The following NALF1 variants were observed in gnomAD, a reference collection of about 807,000 sequenced individuals.
The protein encoded by NALF1 is NALCN channel auxiliary factor 1.
A neutral mutation model predicts 48.4 loss-of-function variants in NALF1; 3 were observed. The ratio of observed to expected loss-of-function variants is 0.06; its 90% CI spans 0.03 to 0.16. The LOEUF is 0.16. NALF1 is among the 10% of genes least tolerant of loss of function. The pLI is 1.00. For synonymous variants in NALF1, 262 were observed against 245.7 expected, an observed-to-expected ratio of 1.07 and a Z score of -0.62; for missense variants, 526 against 571.5, an observed-to-expected ratio of 0.92 and a Z score of 0.81.
chr13:107,201,019 G>A (rs537440000), intron 2 of NALF1, among the ~76,000 whole-genome samples: 8 of 152,180 alleles, frequency 5.3e-5, no homozygotes, highest in East Asian at 1.9e-4. Flanking sequence ...TTACCACATC[G>A]GCAGACACGC....
At chr13:107,444,818 A>G (rs1884620683) in intron 1 of NALF1, among the ~76,000 whole-genome samples, 1 of 152,194 alleles carries the variant, frequency 6.6e-6, no homozygotes. Context: ...CCACATACAT[A>G]TAATAGTGTA....
At chr13:107,318,595 T>C (rs1028112285) in intron 1 of NALF1, among the ~76,000 whole-genome samples, 1 of 152,046 alleles carries the variant, frequency 6.6e-6, no homozygotes, top group Admixed American at 6.6e-5. Context: ...CTTTCACGTA[T>C]TGTGGTGGGA....
intron 1 of NALF1, among the ~76,000 whole-genome samples, chr13:107,811,997 G>A (rs1879009297): frequency 6.6e-6 from 1 of 151,920 alleles, no homozygotes; most frequent in Non-Finnish European, 1.5e-5. Context: ...TTCCTCATTT[G>A]GTATTTTCAT....
chr13:107,711,767 T>C (rs1875599828), intron 1 of NALF1, among the ~76,000 whole-genome samples: 1 of 152,222 alleles, frequency 6.6e-6, no homozygotes, highest in Non-Finnish European at 1.5e-5. Flanking sequence ...CAAACAGCAT[T>C]CTCAAGACTA....
chr13:107,489,907 C>T (rs1885388726), intron 1 of NALF1, among the ~76,000 whole-genome samples: 1 of 151,948 alleles, frequency 6.6e-6, no homozygotes, highest in Non-Finnish European at 1.5e-5. Context: ...AAAAACAACT[C>T]CATAAAAGAA....
Position 107,569,347 on chromosome 13 carries a change from T to C in NALF1, c.915+296335A>G, listed in dbSNP as rs527508318. Among the ~76,000 whole-genome samples, 236 of 152,050 alleles carry C rather than the reference T, an allele frequency of 1.6e-3. 2 individuals carry two copies. The highest frequency in any genetic ancestry group is 3.0e-3 in the Non-Finnish European group (206 of 67,954). On this transcript the variant is annotated intron_variant, in intron 1 of 2. Transcript: ENST00000375915. ...GTTAGCCAGGCGTGGTGGTGGGTGC[T>C]TGTAGTCCCAGCTACTCGGGACGCT...
At chr13:107,711,707 G>A (rs891537636) in intron 1 of NALF1, among the ~76,000 whole-genome samples, 4 of 152,106 alleles carry the variant, frequency 2.6e-5, no homozygotes, top group Non-Finnish European at 5.9e-5. Flanking sequence ...TTTTCTAAGA[G>A]GAAATATCTT....
chr13:107,524,143 C>G (rs565252822), intron 1 of NALF1, among the ~76,000 whole-genome samples: 1 of 152,222 alleles, frequency 6.6e-6, no homozygotes, highest in Non-Finnish European at 1.5e-5. Context: ...ACTTTGGGTA[C>G]TTCTTAACAA....
At chr13:107,815,979 T>C (rs1566493133) in intron 1 of NALF1, among the ~76,000 whole-genome samples, 1 of 152,122 alleles carries the variant, frequency 6.6e-6, no homozygotes, top group Non-Finnish European at 1.5e-5. Context: ...ATTGGGGGTA[T>C]TAAAAGGAAA....
rs1268086912 is a variant in NALF1, at chr13:107,224,417, GTATATAATATAAATATAATACAAATTA to G, written c.916-13689_916-13663del. Among the ~76,000 whole-genome samples, 7 of 148,718 alleles carry G rather than the reference GTATATAATATAAATATAATACAAATTA, an allele frequency of 4.7e-5. No individual in the cohort carries two copies. The South Asian group carries it at 6.3e-4, about 13-fold the overall frequency. On this transcript the variant is annotated intron_variant, in intron 1 of 2. Transcript: ENST00000375915. ...AATGATACCTCCATTTTTGAATTATGTATATAATATAAATATAATACAAATTATATATAATATAAATATAATACAAAT... is the reference window on the plus strand; with the variant it reads ...AATGATACCTCCATTTTTGAATTATGTATATAATATAAATATAATACAAAT...
chr13:107,469,166 T>C (rs928381725), intron 1 of NALF1, among the ~76,000 whole-genome samples: 1 of 152,280 alleles, frequency 6.6e-6, no homozygotes, highest in East Asian at 1.9e-4. Flanking sequence ...AAAAAAGGTG[T>C]CATAAATTTC....
intron 1 of NALF1, among the ~76,000 whole-genome samples, chr13:107,732,106 A>T (rs1876326268): frequency 6.6e-6 from 1 of 152,122 alleles, no homozygotes; most frequent in East Asian, 1.9e-4. Context: ...ACTCTCTATC[A>T]GCCCCCTGGG....
intron 1 of NALF1, among the ~76,000 whole-genome samples, chr13:107,399,589 C>A (rs1301782244): frequency 1.3e-5 from 2 of 152,060 alleles, no homozygotes; most frequent in African/African-American, 4.8e-5. Flanking sequence ...AAACTTTCAT[C>A]CTAATCCTTT....
intron 1 of NALF1, among the ~76,000 whole-genome samples, chr13:107,484,213 A>G (rs1885294185): frequency 6.6e-6 from 1 of 152,174 alleles, no homozygotes. Flanking sequence ...ATTTCAATAT[A>G]TTGCAGTAAT....
chr13:107,638,621 G>A (rs1046053004), intron 1 of NALF1, among the ~76,000 whole-genome samples: 2 of 152,032 alleles, frequency 1.3e-5, no homozygotes, highest in Admixed American at 1.3e-4. Flanking sequence ...AGCTTTGAAG[G>A]AAAAACTAAT....
At chr13:107,186,398 T>A (rs1207000560) in intron 2 of NALF1, among the ~76,000 whole-genome samples, 1 of 152,190 alleles carries the variant, frequency 6.6e-6, no homozygotes, top group Non-Finnish European at 1.5e-5. Flanking sequence ...AGACAGAGTC[T>A]CGCTCTGTCG....
intron 1 of NALF1, among the ~76,000 whole-genome samples, chr13:107,401,176 G>C (rs1883800635): frequency 6.6e-6 from 1 of 152,132 alleles, no homozygotes; most frequent in South Asian, 2.1e-4. Context: ...ATCCCCCTCA[G>C]TTTCACCTGG....
chr13:107,520,392 T>A (rs757736977), intron 1 of NALF1, among the ~76,000 whole-genome samples: 36 of 152,132 alleles, frequency 2.4e-4, no homozygotes, highest in Middle Eastern at 3.2e-3. Context: ...TGTCTAGAAA[T>A]AAAATGTTGA....
intron 1 of NALF1, among the ~76,000 whole-genome samples, chr13:107,522,489 G>C (rs2139097647): frequency 6.6e-6 from 1 of 151,898 alleles, no homozygotes; most frequent in Non-Finnish European, 1.5e-5. Flanking sequence ...GTATATATGT[G>C]GTTTCTTCTC....
Sources: allele counts gnomAD v4.1 joint callset (sites outside exome capture counted in the v4.1 genomes callset), GRCh38; gene constraint gnomAD v4.1.1; transcripts MANE v1.5; gene names NCBI Gene and HGNC (gene_info 2026-07-23, HGNC 2026-07-21).